The following DMD variants were observed in gnomAD, a reference collection of about 807,000 sequenced individuals.
DMD encodes mutant dystrophin.
A neutral mutation model predicts 330.1 loss-of-function variants in DMD; 63 were observed. The observed-to-expected ratio is 0.19, with a 90% CI of 0.16 to 0.24. The LOEUF is 0.24. Ranked by LOEUF, DMD falls within the 10% of genes least tolerant of loss-of-function variation. DMD has a pLI of 1.00. For synonymous variants in DMD, 1,223 were observed against 959.8 expected (o/e 1.27, Z -5.07); for missense variants, 3,344 against 2,684.1 (o/e 1.25, Z -5.43).
chrX:32,419,179 A>G (rs1354406631), intron 29 of DMD, among the ~76,000 whole-genome samples: 1 of 110,866 alleles, frequency 9.0e-6, no homozygotes, highest in Admixed American at 9.7e-5. Context: ...ATGTTTTCCA[A>G]AAAGAATAGA....
intron 2 of DMD, among the ~76,000 whole-genome samples, chrX:32,979,129 G>T (rs1352608947): frequency 8.9e-6 from 1 of 111,932 alleles, no homozygotes; most frequent in Non-Finnish European, 1.9e-5. Flanking sequence ...TGACAATGGG[G>T]TCTTATTTTT....
intron 7 of DMD, among the ~76,000 whole-genome samples, chrX:32,790,333 C>G (rs1019809904): frequency 6.3e-5 from 7 of 111,782 alleles, no homozygotes; most frequent in African/African-American, 2.3e-4. Context: ...TAGAGATGCA[C>G]AAAGGTACAC....
Position 31,384,406 on chromosome X carries a change from T to G in DMD, c.9085-35772A>C, listed in dbSNP as rs758469100. Among the ~76,000 whole-genome samples the G allele has an allele frequency of 5.4e-5, 6 of 111,934 alleles. No individual in the cohort carries two copies. In the South Asian group the frequency reaches 2.2e-3, roughly 42 times the overall value. On this transcript the variant is annotated intron_variant, in intron 60 of 78. Transcript: ENST00000357033. ...AATTCTTGCTTTTTGGTTGTGATTT[T>G]GTACTCTGATGACCAGAGAAGAGAA...
intron 49 of DMD, among the ~76,000 whole-genome samples, chrX:31,830,599 A>G (rs754038310): frequency 1.4e-4 from 16 of 112,302 alleles, no homozygotes; most frequent in African/African-American, 4.8e-4. Context: ...CGTCTCAAAA[A>G]CAAACAAACA....
intron 30 of DMD, among the ~76,000 whole-genome samples, chrX:32,393,435 A>C (rs183319814): frequency 8.9e-6 from 1 of 111,789 alleles, no homozygotes; most frequent in Non-Finnish European, 1.9e-5. Context: ...TTGATCACGA[A>C]GATAAATTTC....
chrX:31,625,902 A>C (rs1476922497), intron 55 of DMD, among the ~76,000 whole-genome samples: 1 of 111,935 alleles, frequency 8.9e-6, no homozygotes. Context: ...ATCTGCTAAA[A>C]ATAGACTAAA....
At chrX:32,647,575 T>C (rs112681639) in intron 9 of DMD, among the ~76,000 whole-genome samples, 8 of 111,655 alleles carry the variant, frequency 7.2e-5, no homozygotes, top group Non-Finnish European at 1.5e-4. Flanking sequence ...CTGAAATTGA[T>C]GATATAGAAA....
intron 44 of DMD, among the ~76,000 whole-genome samples, chrX:32,207,427 A>G (rs754406720): frequency 1.8e-5 from 2 of 111,666 alleles, no homozygotes; most frequent in Non-Finnish European, 3.8e-5. Flanking sequence ...GAGCCAATAC[A>G]TTTTTGTTCA....
chrX:31,929,473 A>C (rs1164690425), intron 47 of DMD, 123 bp downstream of exon 47: 3 of 881,435 alleles, frequency 3.4e-6, no homozygotes, highest in Non-Finnish European at 3.3e-6. Flanking sequence ...TTAAAAAAAC[A>C]AAACAAAACA....
At chrX:32,693,003 A>G (rs1187838882) in intron 9 of DMD, among the ~76,000 whole-genome samples, 1 of 112,356 alleles carries the variant, frequency 8.9e-6, no homozygotes, top group Admixed American at 9.5e-5. Context: ...CCAGAGTTCA[A>G]GAAATTCTCT....
At chrX:32,987,236 T>A (rs1296707217) in intron 2 of DMD, among the ~76,000 whole-genome samples, 1 of 111,980 alleles carries the variant, frequency 8.9e-6, no homozygotes, top group East Asian at 2.8e-4. Context: ...ACATCAACAG[T>A]AAAGCTAGAC....
intron 62 of DMD, among the ~76,000 whole-genome samples, chrX:31,273,511 T>G (rs1195625371): frequency 8.9e-6 from 1 of 112,316 alleles, no homozygotes; most frequent in Non-Finnish European, 1.9e-5. Context: ...TTTTAAATGC[T>G]AATGTAACCA....
At chrX:32,051,716 T>A (rs2096116958) in intron 44 of DMD, among the ~76,000 whole-genome samples, 1 of 111,283 alleles carries the variant, frequency 9.0e-6, no homozygotes, top group Non-Finnish European at 1.9e-5. Flanking sequence ...ATTCACATAA[T>A]CAAGGCATAG....
intron 7 of DMD, among the ~76,000 whole-genome samples, chrX:32,775,173 C>T (rs1287851151): frequency 8.9e-6 from 1 of 112,788 alleles, no homozygotes; most frequent in Non-Finnish European, 1.9e-5. Context: ...TGACCTTGGA[C>T]AGCTCCACGC....
intron 64 of DMD, among the ~76,000 whole-genome samples, chrX:31,211,045 A>C (rs190062850): frequency 8.9e-6 from 1 of 112,243 alleles, no homozygotes; most frequent in East Asian, 2.8e-4. Context: ...AAATACTCTA[A>C]AGATAGAGAA....
intron 47 of DMD, among the ~76,000 whole-genome samples, chrX:31,928,324 G>A (rs780747180): frequency 9.0e-6 from 1 of 111,668 alleles, no homozygotes; most frequent in Non-Finnish European, 1.9e-5. Context: ...AAATTTTGGA[G>A]GCTGGGCGCG....
At chrX:33,011,049 A>C (rs959625807) in intron 2 of DMD, among the ~76,000 whole-genome samples, 1 of 111,665 alleles carries the variant, frequency 9.0e-6, no homozygotes, top group Non-Finnish European at 1.9e-5. Flanking sequence ...AAACAACTCT[A>C]CAAAAATGGT....
At chrX:32,609,131 A>C (rs2056963850) in intron 12 of DMD, among the ~76,000 whole-genome samples, 1 of 110,006 alleles carries the variant, frequency 9.1e-6, no homozygotes, top group Admixed American at 9.7e-5. Context: ...ATCTAGTCCT[A>C]TTGGTTTTGA....
chrX:31,591,802 T>C (rs1466048659), intron 55 of DMD, among the ~76,000 whole-genome samples: 1 of 111,421 alleles, frequency 9.0e-6, no homozygotes, highest in Non-Finnish European at 1.9e-5. Context: ...TTCTGATTTT[T>C]TTCTGAAGTT....
Sources: allele counts gnomAD v4.1 joint callset (sites outside exome capture counted in the v4.1 genomes callset), GRCh38; gene constraint gnomAD v4.1.1; transcripts MANE v1.5; gene names NCBI Gene and HGNC (gene_info 2026-07-23, HGNC 2026-07-21).